The following LEPROT variants were observed in gnomAD, a reference collection of about 807,000 sequenced individuals.
LEPROT encodes leptin receptor gene-related protein.
LEPROT carries 3 observed loss-of-function variants against 15.4 expected under a neutral mutation model. The observed-to-expected ratio is 0.19, with a 90% CI of 0.09 to 0.50. The LOEUF (loss-of-function observed/expected upper bound fraction) is 0.50, where lower values mean the gene tolerates loss of function less well. Ranked by LOEUF, LEPROT falls within the 20% of genes least tolerant of loss-of-function variation. The pLI is 0.97. For synonymous variants in LEPROT, 59 were observed against 57.5 expected, an observed-to-expected ratio of 1.03 and a Z score of -0.12; for missense variants, 137 against 162.2, an observed-to-expected ratio of 0.84 and a Z score of 0.84.
intron 2 of LEPROT, among the ~76,000 whole-genome samples, chr1:65,428,800 T>G (rs1389012943): frequency 1.3e-5 from 2 of 152,140 alleles, no homozygotes; most frequent in African/African-American, 4.8e-5. Flanking sequence ...GAAGTACTGA[T>G]AGAGAAAATA....
chr1:65,421,417 A>G lies in LEPROT; in HGVS notation c.16+677A>G, dbSNP rs924568734. The G allele has an allele frequency of 1.6e-5, 24 of 1,536,030 alleles. No individual in the cohort carries two copies. In the African/African-American group the frequency reaches 1.8e-4, roughly 11 times the overall value. ...CCCTTATCTGTATGGCTTCAGAGCA[A>G]TGCGAGACGGAAAAGGTTTTTTGCA... On this transcript the variant is annotated intron_variant, in intron 1 of 3. Coordinates refer to ENST00000371065, the MANE Select transcript of LEPROT (RefSeq NM_017526.5).
rs1282018873 is a variant in LEPROT, at chr1:65,432,966, C to G, written c.*1047C>G. On this transcript the variant is annotated 3_prime_UTR_variant, in exon 4 of 4. Coordinates refer to ENST00000371065, the MANE Select transcript of LEPROT (RefSeq NM_017526.5). ...CAAAATAAAAAACAAAACATACTCT[C>G]TCCCCCAAAAAAACATCTCAGTGGG... 2.0e-6 allele frequency: 2 copies of G among 985,212 alleles called. No homozygotes were observed. The highest frequency in any genetic ancestry group is 2.3e-4 in the East Asian group (2 of 8,820). The allele number at this position is 985,212 out of a possible 1,614,324, so 61.0% of individuals were successfully genotyped here.
Position 65,433,252 on chromosome 1 carries a change from G to C in LEPROT, c.*1333G>C. 1 of 985,312 alleles carries C rather than the reference G, an allele frequency of 1.0e-6. No homozygotes were observed. Among genetic ancestry groups the C allele is most frequent in the Non-Finnish European group, 1.2e-6 (1 of 829,946 alleles). The allele number at this position is 985,312 out of a possible 1,614,324, so 61.0% of individuals were successfully genotyped here. A position where few individuals can be genotyped will look rare whatever the true frequency, so the allele number is the denominator to read the frequency against. On this transcript the variant is annotated 3_prime_UTR_variant, in exon 4 of 4. Coordinates refer to ENST00000371065, the MANE Select transcript of LEPROT (RefSeq NM_017526.5). Reference sequence around the variant, plus strand: ...CTTCCCGAAGAGATATAGGAGCCATGTAAGCACGCAGTGGGTGAACTGCTT... The same window carrying C: ...CTTCCCGAAGAGATATAGGAGCCATCTAAGCACGCAGTGGGTGAACTGCTT...
Position 65,433,840 on chromosome 1 carries a change from T to G in LEPROT, c.*1921T>G, listed in dbSNP as rs919511713. On this transcript the variant is annotated 3_prime_UTR_variant, in exon 4 of 4. Coordinates refer to ENST00000371065, the MANE Select transcript of LEPROT (RefSeq NM_017526.5). ...TTAAAATTTTTTTGTGATGTTGCCTTGCCTGAAAAGATAACAAAAATGAGA... is the reference window on the plus strand; with the variant it reads ...TTAAAATTTTTTTGTGATGTTGCCTGGCCTGAAAAGATAACAAAAATGAGA... 4.1e-6 allele frequency: 4 copies of G among 985,112 alleles called. No homozygotes were observed. Among genetic ancestry groups the G allele is most frequent in the Non-Finnish European group, 4.8e-6 (4 of 829,648 alleles). The allele number at this position is 985,112 out of a possible 1,614,324, so 61.0% of individuals were successfully genotyped here. A position where few individuals can be genotyped will look rare whatever the true frequency, so the allele number is the denominator to read the frequency against.
chr1:65,425,480 A>C (rs933264139), intron 2 of LEPROT, 102 bp downstream of exon 2: 8 of 917,550 alleles, frequency 8.7e-6, no homozygotes, highest in Non-Finnish European at 1.3e-5. Context: ...AGTTCTAACC[A>C]GTGAGTTAGT....
chr1:65,430,540 C>T (rs1032689250), intron 3 of LEPROT, among the ~76,000 whole-genome samples: 5 of 152,116 alleles, frequency 3.3e-5, no homozygotes, highest in Admixed American at 3.3e-4. Flanking sequence ...TTCTTTTTGT[C>T]TTCAGAGTAC....
At chr1:65,429,776 C>T in intron 2 of LEPROT, 86 bp from the exon 3 acceptor site, 1 of 1,126,122 alleles carries the variant, frequency 8.9e-7, no homozygotes, top group Non-Finnish European at 1.2e-6. Flanking sequence ...TTTAAAATAG[C>T]AATGATTTTG....
rs1426392198 is a variant in LEPROT, at chr1:65,435,781, A to T, written c.*3862A>T. On this transcript the variant is annotated 3_prime_UTR_variant, in exon 4 of 4. Transcript: ENST00000371065. The stretch of plus-strand genomic sequence containing the variant: ...AGTAATTAGTTCACAACTGAGAAAT[A>T]TTATGTCTGTAGTAGATAAATATTA... The T allele has an allele frequency of 7.1e-6, 7 of 981,058 alleles. No homozygotes were observed. 60.8% of individuals were successfully genotyped at this position (981,058 alleles called of 1,614,324 possible). A position where few individuals can be genotyped will look rare whatever the true frequency, so the allele number is the denominator to read the frequency against.
chr1:65,435,243 A>C lies in LEPROT; in HGVS notation c.*3324A>C. ...TTCTTACTGTCCTAAGGAAGTCCTT[A>C]CCTCTGAGGTATCTCCTCAATGAAT... On this transcript the variant is annotated 3_prime_UTR_variant, in exon 4 of 4. Transcript: ENST00000371065. 1.0e-6 allele frequency: 1 copy of C among 985,034 alleles called. No individual in the cohort carries two copies. The highest frequency in any genetic ancestry group is 1.2e-6 in the Non-Finnish European group (1 of 829,702). 61.0% of individuals were successfully genotyped at this position (985,034 alleles called of 1,614,324 possible).
rs1646518874 is a variant in LEPROT at position 65,433,654 on chromosome 1, C to T, written c.*1735C>T. ...GGCCTTGTTCATGATTTTATGTTTT[C>T]AGTGTCCTGTGTACATATAGAATTG... is the stretch of plus-strand genomic sequence containing the variant. On this transcript the variant is annotated 3_prime_UTR_variant, in exon 4 of 4. Coordinates refer to ENST00000371065, the MANE Select transcript of LEPROT (RefSeq NM_017526.5). 1 of 985,088 alleles carries T rather than the reference C, an allele frequency of 1.0e-6. No homozygotes were observed. The highest frequency in any genetic ancestry group is 4.7e-5 in the South Asian group (1 of 21,292). 61.0% of individuals were successfully genotyped at this position (985,088 alleles called of 1,614,324 possible).
rs149557240 is a variant in LEPROT at position 65,432,985 on chromosome 1, C to T, written c.*1066C>T. The T allele has an allele frequency of 1.0e-6, 1 of 985,362 alleles. No individual in the cohort carries two copies. The highest frequency in any genetic ancestry group is 1.7e-5 in the African/African-American group (1 of 57,340). 61.0% of individuals were successfully genotyped at this position (985,362 alleles called of 1,614,324 possible). On this transcript the variant is annotated 3_prime_UTR_variant, in exon 4 of 4. Coordinates refer to ENST00000371065, the MANE Select transcript of LEPROT (RefSeq NM_017526.5). ...TACTCTCTCCCCCAAAAAAACATCT[C>T]AGTGGGGAACAGATGTATCTTTTCA...
Position 65,435,850 on chromosome 1 carries a change from T to A in LEPROT, c.*3931T>A. The stretch of plus-strand genomic sequence containing the variant: ...ATTCTCCTTTTTCCATTTTGTCTCA[T>A]GAAGTACCTTATTGCAAAAATCCCA... On this transcript the variant is annotated 3_prime_UTR_variant, in exon 4 of 4. Transcript: ENST00000371065. 2.0e-6 allele frequency: 2 copies of A among 983,490 alleles called. No individual in the cohort carries two copies. Among genetic ancestry groups the A allele is most frequent in the Non-Finnish European group, 2.4e-6 (2 of 828,160 alleles). 60.9% of individuals were successfully genotyped at this position (983,490 alleles called of 1,614,324 possible).
chr1:65,426,015 G>A (rs1321487637), intron 2 of LEPROT, among the ~76,000 whole-genome samples: 2 of 152,164 alleles, frequency 1.3e-5, no homozygotes, highest in East Asian at 1.9e-4. Context: ...GTTTCAGTGG[G>A]GGAGACGGAC....
chr1:65,429,148 G>T lies in LEPROT; in HGVS notation c.93-714G>T, dbSNP rs141809520. On this transcript the variant is annotated intron_variant, in intron 2 of 3. Transcript: ENST00000371065. ...GTGGTATGTTCGAGGGTGACCTGGG[G>T]TACATTAGAATAGATGACCAGGGAA... Among the ~76,000 whole-genome samples, 128 of 152,240 alleles carry T rather than the reference G, an allele frequency of 8.4e-4. 2 individuals are homozygous for T. The highest frequency in any genetic ancestry group is 3.1e-3 in the African/African-American group (127 of 41,552).
chr1:65,423,419 G>A (rs942962142), intron 1 of LEPROT, among the ~76,000 whole-genome samples: 5 of 152,178 alleles, frequency 3.3e-5, no homozygotes, highest in Admixed American at 6.5e-5. Flanking sequence ...GGTTGTGAAC[G>A]TTGAGAAACT....
At chr1:65,431,418 C>T (rs1412221876) in intron 3 of LEPROT, among the ~76,000 whole-genome samples, 1 of 152,186 alleles carries the variant, frequency 6.6e-6, no homozygotes, top group African/African-American at 2.4e-5. Context: ...AGAAAAGAAA[C>T]ACACAAATTT....
intron 2 of LEPROT, among the ~76,000 whole-genome samples, chr1:65,427,052 T>G (rs916012736): frequency 6.6e-6 from 1 of 151,928 alleles, no homozygotes; most frequent in African/African-American, 2.4e-5. Context: ...AGTGAGTTAT[T>G]ATGACAGTGA....
chr1:65,425,516 C>G, intron 2 of LEPROT, 138 bp downstream of exon 2: 1 of 631,594 alleles, frequency 1.6e-6, no homozygotes, highest in Non-Finnish European at 2.6e-6. Flanking sequence ...AACACAGTCC[C>G]TTTGTGGGTC....
Position 65,432,738 on chromosome 1 carries a change from A to T in LEPROT, c.*819A>T, listed in dbSNP as rs541510717. ...GAATAAGTGTGATTTTTTTTTAAAG[A>T]TCACTTGCACAGCATGCTAAATATA... On this transcript the variant is annotated 3_prime_UTR_variant, in exon 4 of 4. Transcript: ENST00000371065. 3 of 652,074 alleles carry T rather than the reference A, an allele frequency of 4.6e-6. No individual in the cohort carries two copies. In the South Asian group the frequency reaches 2.1e-4, roughly 45 times the overall value. 40.4% of individuals were successfully genotyped at this position (652,074 alleles called of 1,614,324 possible). A position where few individuals can be genotyped will look rare whatever the true frequency, so the allele number is the denominator to read the frequency against.
Sources: gnomAD v4.1 joint callset for allele counts (sites outside exome capture counted in the v4.1 genomes callset) on GRCh38, gnomAD v4.1.1 for gene constraint, MANE v1.5 for transcripts, NCBI Gene and HGNC (gene_info 2026-07-23, HGNC 2026-07-21) for gene names.